TBC1D12: variants seen among roughly 807,000 people sequenced by gnomAD.
TBC1D12 encodes TBC1 domain family, member 12.
In TBC1D12, 56 loss-of-function variants were observed where a neutral mutation model predicts 86.7. That is an observed-to-expected ratio of 0.65 (90% confidence interval 0.52 to 0.81). The LOEUF (loss-of-function observed/expected upper bound fraction) is 0.81. Among genes scored for constraint, TBC1D12 ranks in the 30% least tolerant of loss-of-function variants. TBC1D12 has a pLI of 0.00. For synonymous variants in TBC1D12, 421 were observed against 411.7 expected, an observed-to-expected ratio of 1.02 and a Z score of -0.27; for missense variants, 1,023 against 1,038.8, an observed-to-expected ratio of 0.98 and a Z score of 0.21.
intron 2 of TBC1D12, among the ~76,000 whole-genome samples, chr10:94,464,020 T>G (rs1564959411): frequency 6.6e-6 from 1 of 152,182 alleles, no homozygotes; most frequent in African/African-American, 2.4e-5. Context: ...CCTTTTTGCT[T>G]TGGTAAGATT....
chr10:94,479,291 C>T (rs1039718453), intron 3 of TBC1D12, among the ~76,000 whole-genome samples: 1 of 151,948 alleles, frequency 6.6e-6, no homozygotes, highest in African/African-American at 2.4e-5. Context: ...TACCTGAAAA[C>T]TATATTTAGC....
intron 1 of TBC1D12, 102 bp downstream of exon 1, chr10:94,403,686 C>T (rs2054809280): frequency 1.0e-5 from 10 of 973,738 alleles, no homozygotes; most frequent in Non-Finnish European, 1.4e-5. Flanking sequence ...GAGCGGAGAG[C>T]TTGGTCGGCC....
chr10:94,508,236 T>G (rs1461708900), intron 7 of TBC1D12, among the ~76,000 whole-genome samples: 1 of 152,074 alleles, frequency 6.6e-6, no homozygotes, highest in Admixed American at 6.6e-5. Flanking sequence ...AAGCCTCTTA[T>G]ACTCTCTCTT....
chr10:94,527,467 A>C (rs1464416842), intron 11 of TBC1D12, among the ~76,000 whole-genome samples: 1 of 149,820 alleles, frequency 6.7e-6, no homozygotes, highest in African/African-American at 2.5e-5. Flanking sequence ...TGTCAGATGA[A>C]TAGTTTGCAG....
At chr10:94,406,992 CT>C in intron 1 of TBC1D12, among the ~76,000 whole-genome samples, 1 of 152,196 alleles carries the variant, frequency 6.6e-6, no homozygotes, top group Non-Finnish European at 1.5e-5. Context: ...TTTCCTTCTT[CT>C]TCCCTTCCCA....
intron 4 of TBC1D12, among the ~76,000 whole-genome samples, chr10:94,494,889 G>T (rs1370838721): frequency 2.0e-5 from 3 of 151,716 alleles, no homozygotes. Context: ...TAGAGACGGG[G>T]TCGCACTTGT....
chr10:94,521,277 A>G (rs891755035), intron 9 of TBC1D12, among the ~76,000 whole-genome samples: 3 of 151,914 alleles, frequency 2.0e-5, no homozygotes, highest in East Asian at 1.9e-4. Context: ...ATAGCTGCCA[A>G]TAACTTACAA....
Position 94,403,081 on chromosome 10 carries a change from G to T in TBC1D12, c.468G>T (p.Ala156=). The part of the protein sequence containing the change: ...CRDLEEARGL[A]RAGGRESRRR... Reference sequence around the variant, plus strand: ...ATCTGGAAGAGGCTCGCGGGCTGGCGCGCGCCGGCGGCCGGGAGTCGCGCC... The same window carrying T: ...ATCTGGAAGAGGCTCGCGGGCTGGCTCGCGCCGGCGGCCGGGAGTCGCGCC... Residue 156 remains alanine, a synonymous_variant, in exon 1 of 13, where the codon GCG becomes GCT. Transcript: ENST00000225235. The T allele has an allele frequency of 6.9e-7, 1 of 1,440,972 alleles. No individual in the cohort carries two copies. The highest frequency in any genetic ancestry group is 3.0e-5 in the East Asian group (1 of 33,376). The allele number at this position is 1,440,972 out of a possible 1,614,324, so 89.3% of individuals were successfully genotyped here.
chr10:94,427,663 C>G (rs1160197422), intron 1 of TBC1D12, among the ~76,000 whole-genome samples: 1 of 151,822 alleles, frequency 6.6e-6, no homozygotes, highest in Non-Finnish European at 1.5e-5. Context: ...GAAACCCTGT[C>G]TCCAATAAAA....
chr10:94,420,311 C>A (rs2055056686), intron 1 of TBC1D12, among the ~76,000 whole-genome samples: 1 of 152,200 alleles, frequency 6.6e-6, no homozygotes, highest in South Asian at 2.1e-4. Context: ...TAGACTTCTC[C>A]ATCTCCAGAA....
At chr10:94,504,379 T>G (rs1272733368) in intron 6 of TBC1D12, among the ~76,000 whole-genome samples, 1 of 152,204 alleles carries the variant, frequency 6.6e-6, no homozygotes, top group East Asian at 1.9e-4. Context: ...CATAACTGAG[T>G]CATTTATTTC....
chr10:94,425,205 T>C (rs980531202), intron 1 of TBC1D12, among the ~76,000 whole-genome samples: 17 of 152,172 alleles, frequency 1.1e-4, no homozygotes, highest in South Asian at 4.2e-4. Flanking sequence ...TGTAAAGAGA[T>C]AGCATGGGGA....
intron 9 of TBC1D12, among the ~76,000 whole-genome samples, chr10:94,516,812 G>A (rs1351324922): frequency 6.6e-6 from 1 of 152,022 alleles, no homozygotes; most frequent in Non-Finnish European, 1.5e-5. Flanking sequence ...CCAATCATTA[G>A]AATTGTTCAC....
chr10:94,420,178 G>C (rs2055055079), intron 1 of TBC1D12, among the ~76,000 whole-genome samples: 1 of 152,094 alleles, frequency 6.6e-6, no homozygotes, highest in Admixed American at 6.6e-5. Context: ...TATAAGAAGA[G>C]GCCCTGGAGA....
intron 9 of TBC1D12, among the ~76,000 whole-genome samples, 164 bp downstream of exon 9, chr10:94,511,818 A>G (rs1051835203): frequency 1.3e-5 from 2 of 152,158 alleles, no homozygotes; most frequent in African/African-American, 4.8e-5. Flanking sequence ...TCTTGCCAAG[A>G]GCTTATATGT....
At chr10:94,482,373 G>T (rs1589648107) in intron 3 of TBC1D12, among the ~76,000 whole-genome samples, 1 of 151,946 alleles carries the variant, frequency 6.6e-6, no homozygotes. Flanking sequence ...TGGCTACAGG[G>T]TTATTTTTAA....
At chr10:94,510,204 ATTAC>A in intron 8 of TBC1D12, 25 bp downstream of exon 8, 1 of 1,492,060 alleles carries the variant, frequency 6.7e-7, no homozygotes, top group Non-Finnish European at 9.0e-7. Flanking sequence ...CCAGCTTGTA[ATTAC>A]TTAAAAAAAA....
intron 1 of TBC1D12, among the ~76,000 whole-genome samples, chr10:94,431,417 A>T (rs895778597): frequency 7.7e-6 from 1 of 129,826 alleles, no homozygotes; most frequent in East Asian, 3.7e-4. Context: ...TCTTAAAAAA[A>T]AAAAAAAAGA....
Position 94,402,916 on chromosome 10 carries a change from G to C in TBC1D12, c.303G>C (p.Ser101=). Residue 101 remains serine (S), a synonymous_variant, in exon 1 of 13, where the codon TCG becomes TCC. Transcript: ENST00000225235. ...PAGQAGAPPP[S]AAPRSDACLL... Reference sequence around the variant, plus strand: ...GCCAGGCCGGCGCCCCGCCGCCCTCGGCAGCCCCACGATCGGACGCCTGCC... The same window carrying C: ...GCCAGGCCGGCGCCCCGCCGCCCTCCGCAGCCCCACGATCGGACGCCTGCC... 4 of 1,515,080 alleles carry C rather than the reference G, an allele frequency of 2.6e-6. No homozygotes were observed. Among genetic ancestry groups the C allele is most frequent in the South Asian group, 1.3e-5 (1 of 79,874 alleles). The allele number at this position is 1,515,080 out of a possible 1,614,324, so 93.9% of individuals were successfully genotyped here. A position where few individuals can be genotyped will look rare whatever the true frequency, so the allele number is the denominator to read the frequency against.
Sources: allele counts gnomAD v4.1 joint callset (sites outside exome capture counted in the v4.1 genomes callset), GRCh38; gene constraint gnomAD v4.1.1; transcripts MANE v1.5; gene names NCBI Gene and HGNC (gene_info 2026-07-23, HGNC 2026-07-21).